The following LDLRAD4 variants were observed in gnomAD, a reference collection of about 807,000 sequenced individuals.
LDLRAD4 encodes low density lipoprotein receptor class A domain containing 4.
In LDLRAD4, 5 loss-of-function variants were observed where a neutral mutation model predicts 17.0. The ratio of observed to expected loss-of-function variants is 0.29; its 90% CI spans 0.15 to 0.62. LDLRAD4 has a LOEUF of 0.62. LDLRAD4 is among the 20% of genes least tolerant of loss of function. The pLI, the probability that LDLRAD4 is intolerant of heterozygous loss-of-function variation, is 0.84. For missense variants in LDLRAD4, 340 were observed against 424.7 expected, an observed-to-expected ratio of 0.80 and a Z score of 1.75; for synonymous variants, 168 against 171.8, an observed-to-expected ratio of 0.98 and a Z score of 0.17.
intron 2 of LDLRAD4, among the ~76,000 whole-genome samples, chr18:13,417,293 T>C (rs2088989802): frequency 6.6e-6 from 1 of 152,228 alleles, no homozygotes; most frequent in Non-Finnish European, 1.5e-5. Context: ...TTATCTGCCA[T>C]AATTCATAAG....
chr18:13,342,049 C>CA (rs1352421289), intron 1 of LDLRAD4, among the ~76,000 whole-genome samples: 1 of 152,000 alleles, frequency 6.6e-6, no homozygotes, highest in Non-Finnish European at 1.5e-5. Flanking sequence ...CATTGATTTT[C>CA]ACATGTTGAA....
intron 1 of LDLRAD4, chr18:13,236,560 C>T (rs989564480): frequency 6.6e-6 from 1 of 152,256 alleles, no homozygotes; most frequent in African/African-American, 2.4e-5. Context: ...AGGTGATCCG[C>T]CCTCCTTGGC....
At chr18:13,401,770 C>G (rs1224492799) in intron 2 of LDLRAD4, among the ~76,000 whole-genome samples, 6 of 152,204 alleles carry the variant, frequency 3.9e-5, no homozygotes, top group Non-Finnish European at 8.8e-5. Context: ...CTAAGCTGGA[C>G]CCGCCTTGGG....
intron 3 of LDLRAD4, among the ~76,000 whole-genome samples, chr18:13,575,204 T>A (rs959715257): frequency 2.0e-5 from 3 of 152,168 alleles, no homozygotes; most frequent in Non-Finnish European, 4.4e-5. Flanking sequence ...ACCCAATATG[T>A]AGTCTTTTAT....
chr18:13,277,164 C>T (rs2044928833), upstream of LDLRAD4, among the ~76,000 whole-genome samples: 1 of 152,186 alleles, frequency 6.6e-6, no homozygotes, highest in East Asian at 1.9e-4. Flanking sequence ...GCTGTCTTTA[C>T]ATGGGCTGAT....
At chr18:13,594,665 C>CAAAAAAAAAAGAAAAAAAAAAAA (rs2095070548) in intron 3 of LDLRAD4, among the ~76,000 whole-genome samples, 1 of 29,596 alleles carries the variant, frequency 3.4e-5, no homozygotes, top group African/African-American at 8.7e-5. Context: ...GATTCCATCT[C>CAAAAAAAAAAGAAAAAAAAAAAA]AAAAAAAAAA....
At chr18:13,278,885 A>T (rs1328267797) in intron 1 of LDLRAD4, among the ~76,000 whole-genome samples, 1 of 152,232 alleles carries the variant, frequency 6.6e-6, no homozygotes, top group Admixed American at 6.5e-5. Flanking sequence ...ATCCCCCCTG[A>T]AGCTCTTGGA....
At position 13,440,986 on chromosome 18, in the gene LDLRAD4, G is replaced by A. The variant is rs958889802; in HGVS notation, c.181+2602G>A. Among the ~76,000 whole-genome samples the A allele has an allele frequency of 3.9e-5, 6 of 152,208 alleles. No individual in the cohort carries two copies. Among genetic ancestry groups the A allele is most frequent in the Non-Finnish European group, 7.3e-5 (5 of 68,028 alleles). On this transcript the variant is annotated intron_variant, in intron 3 of 5. Coordinates refer to ENST00000359446, the Ensembl canonical transcript of LDLRAD4. The surrounding 1 kb of genome is among the most constrained non-coding windows in gnomAD (Gnocchi z 4.4). ...CCCCTCAGGTTCTCTGCAGGAGCCC[G>A]AGGGAGCTGGGCGAGTGGTCATGGG... is the stretch of plus-strand genomic sequence containing the variant.
At chr18:13,356,308 G>C (rs112445554) in intron 1 of LDLRAD4, among the ~76,000 whole-genome samples, 2 of 152,350 alleles carry the variant, frequency 1.3e-5, no homozygotes, top group South Asian at 4.1e-4. Context: ...GGCAGCAGGC[G>C]CCCGCAGCTC....
intron 3 of LDLRAD4, among the ~76,000 whole-genome samples, chr18:13,549,672 AACAG>A (rs1302101783): frequency 2.0e-4 from 30 of 151,876 alleles, no homozygotes; most frequent in Middle Eastern, 3.4e-3. Context: ...AAACTTAGAG[AACAG>A]ACAAAGAGTT....
intron 3 of LDLRAD4, among the ~76,000 whole-genome samples, chr18:13,506,195 C>G (rs1202657214): frequency 6.7e-6 from 1 of 150,196 alleles, no homozygotes; most frequent in Admixed American, 6.7e-5. Context: ...GCCTGGCCAC[C>G]AACCTGCGAG....
intron 1 of LDLRAD4, among the ~76,000 whole-genome samples, chr18:13,333,211 T>G (rs977791432): frequency 6.6e-6 from 1 of 152,262 alleles, no homozygotes; most frequent in South Asian, 2.1e-4. Flanking sequence ...CATCTCTATA[T>G]CTTTGAGAGA....
At chr18:13,484,627 A>C (rs1202382633) in intron 3 of LDLRAD4, among the ~76,000 whole-genome samples, 1 of 152,152 alleles carries the variant, frequency 6.6e-6, no homozygotes, top group Non-Finnish European at 1.5e-5. Flanking sequence ...CTGTCTCAAA[A>C]AACAAGACCA....
intron 1 of LDLRAD4, among the ~76,000 whole-genome samples, chr18:13,385,241 T>G (rs1360523237): frequency 6.6e-6 from 1 of 152,234 alleles, no homozygotes; most frequent in East Asian, 1.9e-4. Flanking sequence ...TTAGAGATGT[T>G]GAGCATTTTT....
intron 3 of LDLRAD4, among the ~76,000 whole-genome samples, chr18:13,446,129 C>A (rs974617069): frequency 6.6e-6 from 1 of 152,058 alleles, no homozygotes; most frequent in South Asian, 2.1e-4. Flanking sequence ...TGCTGTTTGC[C>A]GAGTGCTCAC....
At chr18:13,346,824 T>C (rs1445847256) in intron 1 of LDLRAD4, among the ~76,000 whole-genome samples, 2 of 152,230 alleles carry the variant, frequency 1.3e-5, no homozygotes, top group Non-Finnish European at 2.9e-5. Context: ...CCCTTTACCA[T>C]TATGTAATGG....
intron 1 of LDLRAD4, among the ~76,000 whole-genome samples, chr18:13,354,199 A>G (rs2083205227): frequency 6.6e-6 from 1 of 152,166 alleles, no homozygotes; most frequent in Non-Finnish European, 1.5e-5. Context: ...CAGCCTTGGC[A>G]ATATAGCAAG....
intron 1 of LDLRAD4, among the ~76,000 whole-genome samples, chr18:13,302,714 A>T (rs969218534): frequency 2.6e-5 from 4 of 152,258 alleles, no homozygotes; most frequent in African/African-American, 9.6e-5. Context: ...GGAGGAAAAC[A>T]TGCACTGCTG....
At chr18:13,520,015 A>C (rs1601047429) in intron 3 of LDLRAD4, 2 of 152,238 alleles carry the variant, frequency 1.3e-5, no homozygotes, top group East Asian at 3.8e-4. Flanking sequence ...CATTTAGGTA[A>C]TGAATACACA....
Sources: gnomAD v4.1 joint callset for allele counts (sites outside exome capture counted in the v4.1 genomes callset) on GRCh38, gnomAD v4.1.1 for gene constraint, Gnocchi (gnomAD v3.1) non-coding constraint, MANE v1.5 for transcripts, NCBI Gene and HGNC (gene_info 2026-07-23, HGNC 2026-07-21) for gene names.